ANGPT1: variants seen among roughly 807,000 people sequenced by gnomAD.
ANGPT1 encodes the protein angiopoietin 1, also known as angiopoietin-1.
ANGPT1 carries 17 observed loss-of-function variants against 62.2 expected under a neutral mutation model. That is an observed-to-expected ratio of 0.27 (90% CI 0.19 to 0.41). ANGPT1 has a LOEUF of 0.41. Ranked by LOEUF, ANGPT1 falls within the 10% of genes least tolerant of loss-of-function variation. The probability of loss-of-function intolerance (pLI) is 1.00; values close to 1 mark genes in which losing one functional copy is unlikely to be tolerated. For synonymous variants in ANGPT1, 199 were observed against 198.9 expected, an observed-to-expected ratio of 1.00 and a Z score of 0.00; for missense variants, 478 against 594.9, an observed-to-expected ratio of 0.80 and a Z score of 2.04.
chr8:107,281,225 C>G (rs1813996676), intron 7 of ANGPT1, among the ~76,000 whole-genome samples: 1 of 151,884 alleles, frequency 6.6e-6, no homozygotes, highest in Non-Finnish European at 1.5e-5. Context: ...AAAAACAACA[C>G]CACAGTTAGG....
chr8:107,496,227 T>C (rs1429454700), intron 1 of ANGPT1, among the ~76,000 whole-genome samples: 2 of 152,192 alleles, frequency 1.3e-5, no homozygotes, highest in Admixed American at 6.5e-5. Flanking sequence ...AATTGAGACA[T>C]TGCCTCCCTT....
At chr8:107,292,165 A>G (rs935852527) in intron 6 of ANGPT1, among the ~76,000 whole-genome samples, 1 of 151,824 alleles carries the variant, frequency 6.6e-6, no homozygotes, top group Non-Finnish European at 1.5e-5. Context: ...ACTATCACCT[A>G]CCTCCATCCA....
At chr8:107,387,168 G>A (rs1036642176) in intron 1 of ANGPT1, among the ~76,000 whole-genome samples, 2 of 152,074 alleles carry the variant, frequency 1.3e-5, no homozygotes, top group African/African-American at 4.8e-5. Flanking sequence ...AATTTTTAAA[G>A]CAAACCTTAA....
intron 8 of ANGPT1, among the ~76,000 whole-genome samples, chr8:107,253,779 C>T (rs41466146): frequency 0.23 from 35,214 of 152,072 alleles, 4,580 homozygotes; most frequent in Middle Eastern, 0.34. Flanking sequence ...CTAAAGGATA[C>T]GCTCATTGGG....
intron 8 of ANGPT1, among the ~76,000 whole-genome samples, chr8:107,257,510 C>T (rs978921290): frequency 6.6e-6 from 1 of 152,196 alleles, no homozygotes; most frequent in African/African-American, 2.4e-5. Flanking sequence ...CCTCTCAACA[C>T]TTCTTTTCTG....
At chr8:107,306,775 G>C (rs1814728162) in intron 4 of ANGPT1, among the ~76,000 whole-genome samples, 1 of 152,036 alleles carries the variant, frequency 6.6e-6, no homozygotes, top group Non-Finnish European at 1.5e-5. Context: ...GCCAAGAGCA[G>C]TGGCTCACCC....
Position 107,281,603 on chromosome 8 carries a change from TC to T in ANGPT1, c.1205+3078del, listed in dbSNP as rs377577252. ...TCCATCCTGGCTAACACGGTGAAAC[TC>T]CGTCTCTACTAAAAATACAAAAAAT... is the stretch of plus-strand genomic sequence containing the variant. On this transcript the variant is annotated intron_variant, in intron 7 of 8. Transcript: ENST00000517746. Among the ~76,000 whole-genome samples, 107 of 151,826 alleles carry T rather than the reference TC, an allele frequency of 7.0e-4. 1 individual carries two copies. The highest frequency in any genetic ancestry group is 3.3e-3 in the South Asian group (16 of 4,808).
At position 107,412,237 on chromosome 8, in the gene ANGPT1, T is replaced by C. The variant is rs578104163; in HGVS notation, c.298-65140A>G. 2.0e-5 allele frequency among the ~76,000 whole-genome samples: 3 copies of C among 152,238 alleles called. No individual in the cohort carries two copies. The South Asian group carries it at 6.2e-4, about 32-fold the overall frequency. ...ACATCTCAGTTAAAAGTGACCTAAA[T>C]TGCATGTCCATACTGAAGCCAAACA... On this transcript the variant is annotated intron_variant, in intron 1 of 8. Transcript: ENST00000517746.
intron 8 of ANGPT1, among the ~76,000 whole-genome samples, chr8:107,255,552 T>G (rs1353573569): frequency 6.6e-6 from 1 of 152,186 alleles, no homozygotes; most frequent in Non-Finnish European, 1.5e-5. Context: ...ATAGTACCAA[T>G]AGTATTTGAT....
At chr8:107,497,178 T>C in intron 1 of ANGPT1, 84 bp downstream of exon 1, 1 of 1,442,592 alleles carries the variant, frequency 6.9e-7, no homozygotes, top group Non-Finnish European at 9.5e-7. Flanking sequence ...AATACACAAA[T>C]GCTCCCCTAA....
intron 7 of ANGPT1, among the ~76,000 whole-genome samples, chr8:107,280,557 T>C (rs1813980436): frequency 6.6e-6 from 1 of 152,194 alleles, no homozygotes; most frequent in Non-Finnish European, 1.5e-5. Context: ...TTAAGATGTA[T>C]CCATGTGACA....
intron 1 of ANGPT1, among the ~76,000 whole-genome samples, chr8:107,417,007 C>T (rs1462932082): frequency 2.0e-5 from 3 of 151,778 alleles, no homozygotes; most frequent in Non-Finnish European, 4.4e-5. Flanking sequence ...GCCAGGATGG[C>T]CTCAAATTCC....
chr8:107,405,919 G>T (rs1817139434), intron 1 of ANGPT1, among the ~76,000 whole-genome samples: 1 of 151,768 alleles, frequency 6.6e-6, no homozygotes, highest in African/African-American at 2.4e-5. Flanking sequence ...TTGGCTCAAA[G>T]AGTATAAACA....
At chr8:107,456,341 C>A (rs2130465817) in intron 1 of ANGPT1, among the ~76,000 whole-genome samples, 1 of 152,098 alleles carries the variant, frequency 6.6e-6, no homozygotes, top group East Asian at 1.9e-4. Flanking sequence ...AAACTCCAAG[C>A]TCAGTGGTAT....
At chr8:107,261,318 G>T (rs1264631625) in intron 8 of ANGPT1, among the ~76,000 whole-genome samples, 1 of 152,014 alleles carries the variant, frequency 6.6e-6, no homozygotes, top group African/African-American at 2.4e-5. Context: ...TGGGGGTGAG[G>T]GCTGAGGGAG....
chr8:107,449,808 A>G (rs1232277842), intron 1 of ANGPT1, among the ~76,000 whole-genome samples: 3 of 152,236 alleles, frequency 2.0e-5, no homozygotes, highest in Middle Eastern at 6.8e-3. Flanking sequence ...TAGAAATCTA[A>G]TAACATTATG....
intron 7 of ANGPT1, among the ~76,000 whole-genome samples, chr8:107,267,068 C>A (rs192736487): frequency 3.3e-5 from 5 of 151,814 alleles, no homozygotes; most frequent in African/African-American, 4.8e-5. Flanking sequence ...TAAATATATA[C>A]GTATCTGAAC....
At position 107,321,920 on chromosome 8, in the gene ANGPT1, C is replaced by G. The variant is rs756614536; in HGVS notation, c.784G>C (p.Val262Leu). 2 of 1,613,800 alleles carry G rather than the reference C, an allele frequency of 1.2e-6. No homozygotes were observed. The highest frequency in any genetic ancestry group is 3.3e-5 in the Admixed American group (2 of 59,988). Reference sequence around the variant, plus strand: ...CCACCTTCTTTAGTGCAAAGATTGACAAGGTTGTGGACTGTGTCCATCAGC... The same window carrying G: ...CCACCTTCTTTAGTGCAAAGATTGAGAAGGTTGTGGACTGTGTCCATCAGC... ...LELMDTVHNLVNLCTKEGVLL... is the reference protein window; with the variant it reads ...LELMDTVHNLLNLCTKEGVLL... Residue 262 changes from valine (V) to leucine (L), a missense_variant, in exon 4 of 9, where the codon GTC (valine) becomes CTC (leucine). Coordinates refer to ENST00000517746, the MANE Select transcript of ANGPT1 (RefSeq NM_001146.5).
chr8:107,453,508 T>C (rs1811834387), intron 1 of ANGPT1, among the ~76,000 whole-genome samples: 1 of 151,926 alleles, frequency 6.6e-6, no homozygotes, highest in South Asian at 2.1e-4. Context: ...TAAAACCATC[T>C]GATCTCGTGA....
Sources: gnomAD v4.1 joint callset for allele counts (sites outside exome capture counted in the v4.1 genomes callset) on GRCh38, gnomAD v4.1.1 for gene constraint, MANE v1.5 for transcripts, NCBI Gene and HGNC (gene_info 2026-07-23, HGNC 2026-07-21) for gene names.